The following GLRA3 variants were observed in gnomAD, a reference collection of about 807,000 sequenced individuals.
The protein encoded by GLRA3 is glycine receptor alpha 3.
A neutral mutation model predicts 60.4 loss-of-function variants in GLRA3; 44 were observed. The observed-to-expected ratio is 0.73, with a 90% CI of 0.57 to 0.94. The LOEUF is 0.94. Ranked by LOEUF, GLRA3 falls within the 40% of genes least tolerant of loss-of-function variation. GLRA3 has a pLI of 0.00. For synonymous variants in GLRA3, 223 were observed against 192.9 expected, an observed-to-expected ratio of 1.16 and a Z score of -1.29; for missense variants, 508 against 564.6, an observed-to-expected ratio of 0.90 and a Z score of 1.02.
At chr4:174,805,336 G>T (rs902882339) in intron 1 of GLRA3, among the ~76,000 whole-genome samples, 1 of 152,036 alleles carries the variant, frequency 6.6e-6, no homozygotes, top group East Asian at 1.9e-4. Flanking sequence ...TGACTTGATT[G>T]TGCATGAATT....
chr4:174,669,468 C>T (rs1242047966), intron 7 of GLRA3, among the ~76,000 whole-genome samples: 1 of 152,096 alleles, frequency 6.6e-6, no homozygotes, highest in Admixed American at 6.6e-5. Flanking sequence ...TGGAGGGTGA[C>T]TCACAACAGT....
intron 3 of GLRA3, among the ~76,000 whole-genome samples, chr4:174,740,309 C>T (rs1047922394): frequency 2.6e-5 from 4 of 152,164 alleles, no homozygotes; most frequent in Non-Finnish European, 5.9e-5. Context: ...TCTTGAAGCG[C>T]TCTGAGACAC....
At chr4:174,686,796 G>A (rs1186392873) in intron 5 of GLRA3, among the ~76,000 whole-genome samples, 1 of 152,102 alleles carries the variant, frequency 6.6e-6, no homozygotes, top group East Asian at 1.9e-4. Context: ...AAGAAACTGC[G>A]AACTCCCAAG....
chr4:174,709,451 A>G (rs1022144154), intron 5 of GLRA3, among the ~76,000 whole-genome samples: 2 of 152,152 alleles, frequency 1.3e-5, no homozygotes, highest in Non-Finnish European at 2.9e-5. Flanking sequence ...GGATATGCAT[A>G]TTGTCATGGG....
At chr4:174,653,173 G>A (rs1733082397) in intron 9 of GLRA3, among the ~76,000 whole-genome samples, 1 of 151,948 alleles carries the variant, frequency 6.6e-6, no homozygotes, top group African/African-American at 2.4e-5. Flanking sequence ...TATTTATATG[G>A]TTTCAAAATG....
chr4:174,769,670 T>TTA (rs1181999956), intron 2 of GLRA3, among the ~76,000 whole-genome samples: 28 of 152,120 alleles, frequency 1.8e-4, no homozygotes. Flanking sequence ...AGCTTTCTGT[T>TTA]GTGGGATCCT....
intron 1 of GLRA3, among the ~76,000 whole-genome samples, chr4:174,823,473 C>T (rs1045445733): frequency 7.2e-5 from 11 of 151,816 alleles, no homozygotes; most frequent in Admixed American, 3.3e-4. Flanking sequence ...TGCAGTGAGC[C>T]GAGATTGCAC....
chr4:174,810,062 G>A (rs1740200220), intron 1 of GLRA3, among the ~76,000 whole-genome samples: 1 of 152,120 alleles, frequency 6.6e-6, no homozygotes, highest in African/African-American at 2.4e-5. Flanking sequence ...GTCGAGCACT[G>A]TCTGAGGACT....
At chr4:174,701,995 G>A (rs1308198953) in intron 5 of GLRA3, among the ~76,000 whole-genome samples, 4 of 152,160 alleles carry the variant, frequency 2.6e-5, no homozygotes, top group African/African-American at 9.6e-5. Context: ...AATATTACAT[G>A]CACTTAGTTG....
At chr4:174,763,276 G>T (rs1738005167) in intron 3 of GLRA3, among the ~76,000 whole-genome samples, 2 of 152,112 alleles carry the variant, frequency 1.3e-5, no homozygotes, top group Admixed American at 6.6e-5. Context: ...CTGCTTCCAT[G>T]TAACTGCTAC....
intron 5 of GLRA3, among the ~76,000 whole-genome samples, chr4:174,705,883 A>C (rs965887869): frequency 6.6e-6 from 1 of 152,170 alleles, no homozygotes; most frequent in African/African-American, 2.4e-5. Context: ...GAAATAAAAT[A>C]ATCATTTCAG....
At chr4:174,826,500 A>G (rs1332009608) in intron 1 of GLRA3, among the ~76,000 whole-genome samples, 2 of 152,112 alleles carry the variant, frequency 1.3e-5, no homozygotes, top group Non-Finnish European at 2.9e-5. Context: ...TAGTCTCTTC[A>G]CTTGGGTGTG....
At chr4:174,737,871 T>G (rs1035935131) in intron 3 of GLRA3, among the ~76,000 whole-genome samples, 7 of 152,318 alleles carry the variant, frequency 4.6e-5, no homozygotes, top group African/African-American at 1.7e-4. Context: ...TTTCAGAAAT[T>G]TAAACCACTT....
chr4:174,697,508 G>A (rs1735107443), intron 5 of GLRA3, among the ~76,000 whole-genome samples: 1 of 152,120 alleles, frequency 6.6e-6, no homozygotes. Flanking sequence ...TATAATTTGT[G>A]CATTTCATTT....
intron 7 of GLRA3, among the ~76,000 whole-genome samples, chr4:174,665,608 C>A (rs981948202): frequency 2.0e-5 from 3 of 152,102 alleles, no homozygotes; most frequent in Non-Finnish European, 4.4e-5. Context: ...AGATGTCTAT[C>A]CTAATATGTT....
Position 174,639,487 on chromosome 4 carries a change from A to T in GLRA3, c.*4299T>A, listed in dbSNP as rs1465103595. On this transcript the variant is annotated 3_prime_UTR_variant, in exon 10 of 10. Transcript: ENST00000274093. ...TAAAATGTAGACCAAAAAAACAGGT[A>T]AGTGGGTCCTAGCTACTAACTTGGG... The T allele has an allele frequency of 2.0e-5, 3 of 151,846 alleles. No homozygotes were observed. The highest frequency in any genetic ancestry group is 4.4e-5 in the Non-Finnish European group (3 of 67,944). The allele number at this position is 151,846 out of a possible 1,614,324, so 9.4% of individuals were successfully genotyped here. A position where few individuals can be genotyped will look rare whatever the true frequency, so the allele number is the denominator to read the frequency against.
intron 1 of GLRA3, among the ~76,000 whole-genome samples, chr4:174,817,021 C>G (rs1029355730): frequency 6.6e-6 from 1 of 152,084 alleles, no homozygotes. Flanking sequence ...CTACCTGTCA[C>G]AGTTCTTTTT....
At chr4:174,716,344 C>T (rs1402391010) in intron 4 of GLRA3, among the ~76,000 whole-genome samples, 1 of 152,162 alleles carries the variant, frequency 6.6e-6, no homozygotes, top group Non-Finnish European at 1.5e-5. Flanking sequence ...CAGTATTCCG[C>T]TCATTGGAAA....
rs77644944 is a variant in GLRA3 at position 174,682,680 on chromosome 4, T to G, written c.712+122A>C. ...TCATAGGTTTCAAATGCATCCATTT[T>G]CTGCTATATAAGAAAAACATTGATC... On this transcript the variant is annotated intron_variant, in intron 6 of 9. Transcript: ENST00000274093. The G allele has an allele frequency of 3.1e-4, 196 of 634,236 alleles. No individual in the cohort carries two copies. In the East Asian group the frequency reaches 5.3e-3, roughly 17 times the overall value. The allele number at this position is 634,236 out of a possible 1,614,324, so 39.3% of individuals were successfully genotyped here.
Sources: gnomAD v4.1 joint callset for allele counts (sites outside exome capture counted in the v4.1 genomes callset) on GRCh38, gnomAD v4.1.1 for gene constraint, MANE v1.5 for transcripts, NCBI Gene and HGNC (gene_info 2026-07-23, HGNC 2026-07-21) for gene names.